ZFAND6: variants seen among roughly 807,000 people sequenced by gnomAD.
ZFAND6 encodes the protein AN1-type zinc finger protein 6.
Under a neutral mutation model 24.5 loss-of-function variants are expected in ZFAND6, and 12 were observed. The ratio of observed to expected loss-of-function variants is 0.49; its 90% CI spans 0.31 to 0.79. ZFAND6 has a LOEUF of 0.79. Ranked by LOEUF, ZFAND6 falls within the 30% of genes least tolerant of loss-of-function variation. The probability of loss-of-function intolerance (pLI) is 0.04; values close to 1 mark genes in which losing one functional copy is unlikely to be tolerated. For synonymous variants in ZFAND6, 92 were observed against 81.5 expected (o/e 1.13, Z -0.69); for missense variants, 207 against 245.9 (o/e 0.84, Z 1.06).
chr15:80,071,799 A>G (rs1260729078), intron 1 of ZFAND6, among the ~76,000 whole-genome samples: 4 of 152,110 alleles, frequency 2.6e-5, no homozygotes, highest in Non-Finnish European at 4.4e-5. Flanking sequence ...TTATACCTGA[A>G]CATGTCATTA....
rs2040208489 is a variant in ZFAND6 at position 80,122,879 on chromosome 15, A to G, written c.364+79A>G. On this transcript the variant is annotated intron_variant, in intron 5 of 6. Transcript: ENST00000261749. ...CTATCCTAGGTGCATGTATAAAAAA[A>G]TTGCCAGCTTAAAATACATGTTTTT... 6 of 1,100,618 alleles carry G rather than the reference A, an allele frequency of 5.5e-6. No individual in the cohort carries two copies. The South Asian group carries it at 9.7e-5, about 18-fold the overall frequency. The allele number at this position is 1,100,618 out of a possible 1,614,324, so 68.2% of individuals were successfully genotyped here. A position where few individuals can be genotyped will look rare whatever the true frequency, so the allele number is the denominator to read the frequency against.
At chr15:80,136,921 C>A (rs2040892056) in intron 6 of ZFAND6, among the ~76,000 whole-genome samples, 1 of 152,182 alleles carries the variant, frequency 6.6e-6, no homozygotes, top group African/African-American at 2.4e-5. Context: ...TGCAGAAACT[C>A]AAGCTCAGAG....
chr15:80,102,519 T>C (rs2039090867), intron 2 of ZFAND6, among the ~76,000 whole-genome samples: 1 of 152,256 alleles, frequency 6.6e-6, no homozygotes, highest in Admixed American at 6.5e-5. Flanking sequence ...GCCATCTGTT[T>C]ATATGTGATA....
At chr15:80,105,285 T>C (rs765848481) in intron 2 of ZFAND6, among the ~76,000 whole-genome samples, 1 of 152,228 alleles carries the variant, frequency 6.6e-6, no homozygotes, top group Non-Finnish European at 1.5e-5. Flanking sequence ...CATCACACTT[T>C]TAATAAAAAA....
At chr15:80,076,631 C>A (rs555841263) in intron 1 of ZFAND6, among the ~76,000 whole-genome samples, 1 of 152,236 alleles carries the variant, frequency 6.6e-6, no homozygotes, top group African/African-American at 2.4e-5. Flanking sequence ...TTAGTCTTTT[C>A]GAACCAGTAA....
At chr15:80,073,007 A>G (rs985671616) in intron 1 of ZFAND6, among the ~76,000 whole-genome samples, 12 of 151,944 alleles carry the variant, frequency 7.9e-5, no homozygotes, top group Admixed American at 7.9e-4. Context: ...TTTTCCTTAA[A>G]CTTAAAATGT....
rs554116766 is a variant in ZFAND6 at position 80,071,745 on chromosome 15, T to G, written c.-181+11936T>G. On this transcript the variant is annotated intron_variant, in intron 1 of 6. Coordinates refer to ENST00000261749, the MANE Select transcript of ZFAND6 (RefSeq NM_019006.4). ...GGAGTGCAAAGTAGTTTCCACACAT[T>G]AAAAAAAAAAAAAAGATGAAAAAGA... 2.9e-5 allele frequency among the ~76,000 whole-genome samples: 4 copies of G among 139,234 alleles called. No homozygotes were observed. In the East Asian group the frequency reaches 8.1e-4, roughly 28 times the overall value. 91.3% of individuals were successfully genotyped at this position (139,234 alleles called of 152,430 possible).
At position 80,131,237 on chromosome 15, in the gene ZFAND6, A is replaced by G. The variant is rs1245441607; in HGVS notation, c.422A>G (p.Lys141Arg). The change falls in exon 6 of 7, where the codon AAA becomes AGA. Residue 141 changes from lysine (K) to arginine (R), a missense_variant. Physicochemically the swap from Lys to Arg is conservative, Grantham distance 26. Coordinates refer to ENST00000261749, the MANE Select transcript of ZFAND6 (RefSeq NM_019006.4). ...GAAGAGCAAAGCAAGTCTCTTGAAA[A>G]ACCGAAACAAAAAAAGAATCGCTGT... ...PSEEQSKSLE[K>R]PKQKKNRCFM... 3 of 1,612,850 alleles carry G rather than the reference A, an allele frequency of 1.9e-6. No individual in the cohort carries two copies. In the African/African-American group the frequency reaches 4.0e-5, roughly 22 times the overall value.
In ZFAND6 at chr15:80,122,706, A is replaced by G. The variant is rs112075519; in HGVS notation, c.270A>G (p.Val90=). The G allele has an allele frequency of 1.4e-5, 22 of 1,613,136 alleles. No homozygotes were observed. Among genetic ancestry groups the G allele is most frequent in the African/African-American group, 1.1e-4 (8 of 75,028 alleles). ...STSSSMQPSP[V]SNQSLLSESV... Reference sequence around the variant, plus strand: ...AAATATTTTGCTTTTCTAGCCCTGTATCAAATCAGTCACTTTTATCAGAAT... The same window carrying G: ...AAATATTTTGCTTTTCTAGCCCTGTGTCAAATCAGTCACTTTTATCAGAAT... The change falls in exon 5 of 7, where the codon GTA becomes GTG. Residue 90 remains valine, a synonymous_variant. Transcript: ENST00000261749.
At chr15:80,129,538 G>A (rs2040507262) in intron 5 of ZFAND6, 2 of 152,240 alleles carry the variant, frequency 1.3e-5, no homozygotes, top group South Asian at 4.1e-4. Flanking sequence ...GCCTTACGGT[G>A]TAGTTGGGGA....
At chr15:80,134,280 G>A (rs1280740274) in intron 6 of ZFAND6, among the ~76,000 whole-genome samples, 1 of 152,174 alleles carries the variant, frequency 6.6e-6, no homozygotes, top group African/African-American at 2.4e-5. Context: ...ACGAGCCACA[G>A]CTCCTGGCCT....
chr15:80,068,812 A>G (rs1016511763), intron 1 of ZFAND6, among the ~76,000 whole-genome samples: 4 of 151,916 alleles, frequency 2.6e-5, no homozygotes, highest in Non-Finnish European at 4.4e-5. Flanking sequence ...TGTGGCTCTC[A>G]TTATGTTTCT....
chr15:80,087,497 G>A (rs982241051), intron 1 of ZFAND6, among the ~76,000 whole-genome samples: 1 of 152,106 alleles, frequency 6.6e-6, no homozygotes, highest in Non-Finnish European at 1.5e-5. Flanking sequence ...TTCCCAGCAC[G>A]TTTATTCTTA....
At chr15:80,080,111 G>A (rs367656028) in intron 1 of ZFAND6, among the ~76,000 whole-genome samples, 12 of 150,944 alleles carry the variant, frequency 7.9e-5, no homozygotes, top group African/African-American at 2.7e-4. Flanking sequence ...CAGTTCTCCC[G>A]TCTCAGCCTC....
At position 80,137,515 on chromosome 15, in the gene ZFAND6, G is replaced by A; in HGVS notation, c.514G>A (p.Val172Ile). ...ECRCGNVYCG[V>I]HRYSDVHNCS... ...CCGGTGTGGAAATGTTTACTGTGGT[G>A]TACACCGTTACTCAGATGTACACAA... The change falls in exon 7 of 7, where the codon GTA (valine) becomes ATA (isoleucine). Residue 172 changes from valine (V) to isoleucine (I), a missense_variant. Coordinates refer to ENST00000261749, the MANE Select transcript of ZFAND6 (RefSeq NM_019006.4). The A allele has an allele frequency of 6.2e-7, 1 of 1,606,710 alleles. No homozygotes were observed.
chr15:80,109,328 A>G (rs1215987618), intron 2 of ZFAND6, among the ~76,000 whole-genome samples: 1 of 152,206 alleles, frequency 6.6e-6, no homozygotes, highest in Non-Finnish European at 1.5e-5. Flanking sequence ...GGGGAGACAC[A>G]ATATAATAGT....
chr15:80,132,704 A>C (rs763366881), intron 6 of ZFAND6, among the ~76,000 whole-genome samples: 42 of 152,298 alleles, frequency 2.8e-4, no homozygotes, highest in Non-Finnish European at 5.3e-4. Context: ...CATCGTGTTT[A>C]ATGCAATACT....
At chr15:80,088,108 A>G (rs1249642030) in intron 1 of ZFAND6, among the ~76,000 whole-genome samples, 1 of 152,120 alleles carries the variant, frequency 6.6e-6, no homozygotes, top group East Asian at 1.9e-4. Flanking sequence ...TAGTTTTGTC[A>G]GTTGTCTCAA....
At chr15:80,070,740 T>A (rs2036930089) in intron 1 of ZFAND6, among the ~76,000 whole-genome samples, 1 of 152,264 alleles carries the variant, frequency 6.6e-6, no homozygotes, top group African/African-American at 2.4e-5. Flanking sequence ...GTTTATTTGG[T>A]TTCCATAACT....
Sources: gnomAD v4.1 joint callset for allele counts (sites outside exome capture counted in the v4.1 genomes callset) on GRCh38, gnomAD v4.1.1 for gene constraint, MANE v1.5 for transcripts, NCBI Gene and HGNC (gene_info 2026-07-23, HGNC 2026-07-21) for gene names.